The following CEP192 variants were observed in gnomAD, a reference collection of about 807,000 sequenced individuals.
CEP192 encodes centrosomal protein of 192 kDa.
In CEP192, 151 loss-of-function variants were observed where a neutral mutation model predicts 271.8. The ratio of observed to expected loss-of-function variants is 0.56; its 90% CI spans 0.49 to 0.64. The LOEUF is 0.64. CEP192 is among the 30% of genes least tolerant of loss of function. CEP192 has a pLI of 0.00. For missense variants in CEP192, 2,910 were observed against 3,020.5 expected (o/e 0.96, Z 0.86); for synonymous variants, 995 against 1,076.5 (o/e 0.92, Z 1.48).
intron 11 of CEP192, 95 bp downstream of exon 11, chr18:13,030,703 T>C: frequency 1.1e-6 from 1 of 920,102 alleles, no homozygotes; most frequent in Admixed American, 2.3e-5. Context: ...ATCAGATCCC[T>C]TCTGGACTAT....
chr18:13,034,899 A>G (rs1309878264), intron 11 of CEP192, among the ~76,000 whole-genome samples: 4 of 150,982 alleles, frequency 2.6e-5, no homozygotes, highest in Non-Finnish European at 5.9e-5. Context: ...AGCTCCATCT[A>G]TTCAAGGTGC....
chr18:13,057,157 G>A (rs375919184), intron 19 of CEP192, among the ~76,000 whole-genome samples: 1 of 152,098 alleles, frequency 6.6e-6, no homozygotes, highest in Non-Finnish European at 1.5e-5. Flanking sequence ...TCTGCCCTCC[G>A]GAGCAACTGC....
chr18:13,109,032 G>A (rs1398938510), intron 40 of CEP192, among the ~76,000 whole-genome samples: 3 of 152,194 alleles, frequency 2.0e-5, no homozygotes, highest in Non-Finnish European at 4.4e-5. Flanking sequence ...CAACCCAGCA[G>A]TCCCACTACT....
rs191586395 is a variant in CEP192, at chr18:13,015,677, G to T, written c.640+229G>T. Reference sequence around the variant, plus strand: ...TCATCCTCAGTTTAACATAGTTAGGGTACAAAGTAGTCACCTGGAGGTGCC... The same window carrying T: ...TCATCCTCAGTTTAACATAGTTAGGTTACAAAGTAGTCACCTGGAGGTGCC... On this transcript the variant is annotated intron_variant, in intron 6 of 44. Transcript: ENST00000506447. Among the ~76,000 whole-genome samples the T allele has an allele frequency of 2.5e-3, 375 of 152,060 alleles. 1 individual carries two copies. The highest frequency in any genetic ancestry group is 0.014 in the Middle Eastern group (4 of 290).
At chr18:13,067,779 G>T in intron 21 of CEP192, 52 bp from the exon 22 acceptor site, 1 of 1,481,568 alleles carries the variant, frequency 6.7e-7, no homozygotes. Context: ...CATACATGTT[G>T]TGCTATTAAT....
At chr18:13,037,055 A>T (rs1015946856) in intron 11 of CEP192, among the ~76,000 whole-genome samples, 182 bp from the exon 12 acceptor site, 1 of 152,274 alleles carries the variant, frequency 6.6e-6, no homozygotes, top group African/African-American at 2.4e-5. Context: ...GGTGTTCTTT[A>T]GCAAAAGTTT....
intron 3 of CEP192, among the ~76,000 whole-genome samples, chr18:13,008,226 C>T (rs1241095443): frequency 2.6e-5 from 3 of 116,464 alleles, no homozygotes; most frequent in Admixed American, 8.6e-5. Flanking sequence ...AGCAGTATGA[C>T]GTTCTTTGAT....
rs1459579665 is a variant in CEP192 at position 13,025,975 on chromosome 18, A to T, written c.1051-3688A>T. Among the ~76,000 whole-genome samples the T allele has an allele frequency of 2.6e-5, 4 of 152,272 alleles. No individual in the cohort carries two copies. The East Asian group carries it at 7.7e-4, about 29-fold the overall frequency. ...TTTGATGCTCTTCCTTTCTTTGTAG[A>T]TTTAAGATTCTGACCTATATATTTA... On this transcript the variant is annotated intron_variant, in intron 9 of 44. Coordinates refer to ENST00000506447, the MANE Select transcript of CEP192 (RefSeq NM_032142.4).
At chr18:13,105,221 A>G in intron 40 of CEP192, 142 bp downstream of exon 40, 1 of 665,112 alleles carries the variant, frequency 1.5e-6, no homozygotes, top group Non-Finnish European at 2.7e-6. Context: ...AGTCTGCCTC[A>G]CTTACAATGC....
At chr18:13,000,646 A>C (rs2145794225) in intron 2 of CEP192, among the ~76,000 whole-genome samples, 1 of 152,342 alleles carries the variant, frequency 6.6e-6, no homozygotes, top group South Asian at 2.1e-4. Flanking sequence ...CCTGAAGTCA[A>C]GTTTCTCTTT....
intron 4 of CEP192, among the ~76,000 whole-genome samples, chr18:13,010,802 C>T (rs904405672): frequency 9.9e-5 from 15 of 150,990 alleles, no homozygotes; most frequent in Middle Eastern, 3.4e-3. Flanking sequence ...GCCGAGATCG[C>T]GCCATTGCAC....
rs551574944 is a variant in CEP192, at chr18:13,004,762, C to T, written c.290+3180C>T. On this transcript the variant is annotated intron_variant, in intron 3 of 44. Transcript: ENST00000506447. Reference sequence around the variant, plus strand: ...AAGGGCCCAACTTGAGGGCCGTGGGCGTGACTGTTGAGGGTGATTGTGATG... The same window carrying T: ...AAGGGCCCAACTTGAGGGCCGTGGGTGTGACTGTTGAGGGTGATTGTGATG... Among the ~76,000 whole-genome samples the T allele has an allele frequency of 3.3e-4, 50 of 152,232 alleles. No homozygotes were observed. In the South Asian group the frequency reaches 7.7e-3, roughly 23 times the overall value.
At chr18:13,009,512 G>C (rs546091874) in intron 4 of CEP192, among the ~76,000 whole-genome samples, 1 of 152,248 alleles carries the variant, frequency 6.6e-6, no homozygotes, top group South Asian at 2.1e-4. Context: ...GAATGCATTG[G>C]AAATACTCAA....
chr18:13,004,756 C>T (rs977358301), intron 3 of CEP192, among the ~76,000 whole-genome samples: 11 of 152,112 alleles, frequency 7.2e-5, no homozygotes, highest in Admixed American at 5.2e-4. Context: ...ACTTGAGGGC[C>T]GTGGGCGTGA....
intron 36 of CEP192, among the ~76,000 whole-genome samples, chr18:13,098,765 TC>T (rs1272565013): frequency 2.0e-5 from 3 of 151,908 alleles, no homozygotes; most frequent in Non-Finnish European, 2.9e-5. Flanking sequence ...GCTCCTCACT[TC>T]CCAGACGGGG....
chr18:13,068,125 C>G lies in CEP192; in HGVS notation c.4646C>G (p.Ser1549Cys), dbSNP rs377043741. ...NAVAWRCFTF[S>C]KESVRAPVEV... ...GTAGCCTGGCGCTGTTTCACGTTTTCCAAGGAATCCGTCCGAGCTCCTGTG... is the reference window on the plus strand; with the variant it reads ...GTAGCCTGGCGCTGTTTCACGTTTTGCAAGGAATCCGTCCGAGCTCCTGTG... The change falls in exon 23 of 45, where the codon TCC becomes TGC. Residue 1549 changes from serine to cysteine, a missense_variant. Transcript: ENST00000506447. 3.1e-6 allele frequency: 5 copies of G among 1,614,100 alleles called. No homozygotes were observed. The highest frequency in any genetic ancestry group is 3.4e-6 in the Non-Finnish European group (4 of 1,180,038).
At chr18:13,089,034 A>G (rs1025875230) in intron 32 of CEP192, 2 of 275,120 alleles carry the variant, frequency 7.3e-6, no homozygotes, top group Admixed American at 8.8e-5. Context: ...AGAAATCTAC[A>G]TTTCAGTTTT....
chr18:13,019,774 A>G (rs1479166930), intron 9 of CEP192, among the ~76,000 whole-genome samples: 1 of 151,706 alleles, frequency 6.6e-6, no homozygotes, highest in African/African-American at 2.4e-5. Flanking sequence ...TATATTTTTA[A>G]TTTAAATTTT....
chr18:13,103,419 C>A, intron 38 of CEP192, 90 bp from the exon 39 acceptor site: 1 of 952,490 alleles, frequency 1.0e-6, no homozygotes, highest in Non-Finnish European at 1.7e-6. Context: ...GGTTTTTTAA[C>A]CCCAGTATGA....
Sources: allele counts gnomAD v4.1 joint callset (sites outside exome capture counted in the v4.1 genomes callset), GRCh38; gene constraint gnomAD v4.1.1; transcripts MANE v1.5; gene names NCBI Gene and HGNC (gene_info 2026-07-23, HGNC 2026-07-21).